Variants in ATN1 observed in about 807,000 individuals in gnomAD.
ATN1 encodes the protein atrophin-1.
ATN1 carries 19 observed loss-of-function variants against 85.8 expected under a neutral mutation model. The observed-to-expected ratio is 0.22, with a 90% CI of 0.15 to 0.32. The LOEUF is 0.32. Among genes scored for constraint, ATN1 ranks in the 10% least tolerant of loss-of-function variants. The probability of loss-of-function intolerance (pLI) is 1.00; values close to 1 mark genes in which losing one functional copy is unlikely to be tolerated. For synonymous variants in ATN1, 674 were observed against 657.0 expected, an observed-to-expected ratio of 1.03 and a Z score of -0.39; for missense variants, 1,453 against 1,564.5, an observed-to-expected ratio of 0.93 and a Z score of 1.20.
Position 6,933,827 on chromosome 12 carries a change from T to C in ATN1, c.-162-13T>C. On this transcript the variant is annotated splice_polypyrimidine_tract_variant and intron_variant, in intron 1 of 9. Transcript: ENST00000396684. ...TCTCCAAGTTGGAGACTCTGATGGT[T>C]TCCTTCTAACAGGTTTCATTGAAAA... The C allele has an allele frequency of 1.4e-6, 1 of 694,338 alleles. No homozygotes were observed. Among genetic ancestry groups the C allele is most frequent in the Non-Finnish European group, 2.5e-6 (1 of 404,508 alleles). 43.0% of individuals were successfully genotyped at this position (694,338 alleles called of 1,614,324 possible). A position where few individuals can be genotyped will look rare whatever the true frequency, so the allele number is the denominator to read the frequency against.
At chr12:6,926,374 C>A (rs1386913508), upstream of ATN1, among the ~76,000 whole-genome samples, 1 of 152,118 alleles carries the variant, frequency 6.6e-6, no homozygotes, top group Non-Finnish European at 1.5e-5. Context: ...TCTCACTCCT[C>A]CAAGCTGTAT....
In ATN1 at chr12:6,936,643, C is replaced by G. The variant is rs1453175292; in HGVS notation, c.1376C>G (p.Pro459Arg). 3.7e-6 allele frequency: 6 copies of G among 1,613,652 alleles called. No individual in the cohort carries two copies. Among genetic ancestry groups the G allele is most frequent in the Admixed American group, 1.7e-5 (1 of 59,972 alleles). The change falls in exon 5 of 10, where the codon CCA becomes CGA. Residue 459 changes from proline to arginine, a missense_variant. Physicochemically the swap from Pro to Arg is moderately radical, Grantham distance 103. Around this residue, in one of 6 missense-constraint regions of ATN1, gnomAD observed 990 missense variants for 914.8 expected, o/e 1.08. Transcript: ENST00000396684. ...CTCTTAGCCAACAGCAATGCCCATC[C>G]AGGCCCCTTCCCTCCCTCTACTGGG... Reference protein sequence around the residue: ...GRLLANSNAHPGPFPPSTGAQ... With the variant: ...GRLLANSNAHRGPFPPSTGAQ...
upstream of ATN1, among the ~76,000 whole-genome samples, chr12:6,926,365 C>T (rs1302770014): frequency 2.6e-5 from 4 of 152,104 alleles, no homozygotes; most frequent in African/African-American, 9.7e-5. Flanking sequence ...AGGATGGTGT[C>T]TCACTCCTCC....
chr12:6,941,488 A>C lies in ATN1; in HGVS notation c.3473A>C (p.Gln1158Pro). The C allele has an allele frequency of 6.2e-7, 1 of 1,612,836 alleles. No homozygotes were observed. The highest frequency in any genetic ancestry group is 1.1e-5 in the South Asian group (1 of 91,080). Reference protein sequence around the residue: ...AELQRLALEQQQWLHAHHPLH... With the variant: ...AELQRLALEQPQWLHAHHPLH... ...CTGCAGCGCTTGGCGCTGGAACAGC[A>C]GCAGTGGCTGCATGCCCATCACCCG... The change falls in exon 9 of 10, where the codon CAG becomes CCG. Residue 1158 changes from glutamine to proline, a missense_variant. By Grantham distance (76) the Gln-to-Pro change is moderately conservative (BLOSUM62 -1). This residue lies in a region of ATN1 where 118 missense variants were observed against 163.7 expected (regional missense o/e 0.72). Transcript: ENST00000396684. This position sits in a 1 kb window ranked among gnomAD's most constrained non-coding sequence, Gnocchi z 5.9.
rs1945597722 is a variant in ATN1, at chr12:6,938,998, G to A, written c.3035G>A (p.Arg1012Gln). 1.2e-6 allele frequency: 2 copies of A among 1,612,534 alleles called. No homozygotes were observed. Among genetic ancestry groups the A allele is most frequent in the East Asian group, 2.2e-5 (1 of 44,894 alleles). ...GCGCTGGCAGCTGGGCCAGCCCTGC[G>A]GCCTGACATGTCCTATGCTGAGCGG... ...RLALAAGPAL[R>Q]PDMSYAERLA... The change falls in exon 7 of 10, where the codon CGG (arginine) becomes CAG (glutamine). Residue 1012 changes from arginine to glutamine, a missense_variant. Physicochemically the swap from Arg to Gln is conservative, Grantham distance 43 (BLOSUM62 1). This residue lies in a region of ATN1 where 208 missense variants were observed against 263.4 expected (regional missense o/e 0.79). Transcript: ENST00000396684.
At position 6,934,203 on chromosome 12, in the gene ATN1, G is replaced by C. The variant is rs781907348; in HGVS notation, c.55G>C (p.Glu19Gln). The C allele has an allele frequency of 8.7e-6, 14 of 1,604,518 alleles. No homozygotes were observed. The highest frequency in any genetic ancestry group is 1.4e-5 in the African/African-American group (1 of 73,974). The change falls in exon 3 of 10, where the codon GAG (glutamate) becomes CAG (glutamine). Residue 19 changes from glutamate to glutamine, a missense_variant. Physicochemically the swap from Glu to Gln is conservative, Grantham distance 29 (BLOSUM62 2). Around this residue, in one of 6 missense-constraint regions of ATN1, gnomAD observed 130 missense variants for 158.2 expected, o/e 0.82. Transcript: ENST00000396684. This position sits in a 1 kb window ranked among gnomAD's most constrained non-coding sequence, Gnocchi z 4.5. Reference protein sequence around the residue: ...SMSMRSGRKKEAPGPREELRS... With the variant: ...SMSMRSGRKKQAPGPREELRS... ...GTCAATGAGGAGTGGACGGAAGAAAGAGGCCCCTGGGCCCCGGGAAGAACT... is the reference window on the plus strand; with the variant it reads ...GTCAATGAGGAGTGGACGGAAGAAACAGGCCCCTGGGCCCCGGGAAGAACT...
In ATN1 at chr12:6,937,984, C is replaced by T. The variant is rs782404678; in HGVS notation, c.2434C>T (p.Arg812Cys). ...GCGGCGCGAGGCCGAGCAGCGCGCG[C>T]GCGAAGAAAAGGAGCGCGAGCGCGA... The part of the protein sequence containing the change: ...KVRREAEQRA[R>C]EEKERERERE... Residue 812 changes from arginine (R) to cysteine (C), a missense_variant, in exon 6 of 10, where the codon CGC becomes TGC. Physicochemically the swap from Arg to Cys is radical, Grantham distance 180. Coordinates refer to ENST00000396684, the MANE Select transcript of ATN1 (RefSeq NM_001940.4). The surrounding 1 kb of genome is among the most constrained non-coding windows in gnomAD (Gnocchi z 6.0). 5 of 1,550,216 alleles carry T rather than the reference C, an allele frequency of 3.2e-6. No homozygotes were observed. In the South Asian group the frequency reaches 5.9e-5, roughly 18 times the overall value.
chr12:6,934,071 G>C lies in ATN1; in HGVS notation c.27+43G>C, dbSNP rs186164936. 3.7e-5 allele frequency: 60 copies of C among 1,610,888 alleles called. No individual in the cohort carries two copies. The highest frequency in any genetic ancestry group is 3.3e-4 in the Middle Eastern group (2 of 6,052). ...ACATGAAAGATGAGGGGCGGGGCAG[G>C]CAAGCTAGGAGGAAGGGTCTAGAGA... is the stretch of plus-strand genomic sequence containing the variant. On this transcript the variant is annotated intron_variant, in intron 2 of 9. Transcript: ENST00000396684. The surrounding 1 kb of genome is among the most constrained non-coding windows in gnomAD (Gnocchi z 4.5).
intron 7 of ATN1, among the ~76,000 whole-genome samples, chr12:6,939,974 C>A (rs1040605843): frequency 7.9e-5 from 12 of 152,396 alleles, no homozygotes; most frequent in Non-Finnish European, 1.6e-4. Context: ...GCTTTACTTA[C>A]TATCCTTTCA....
Position 6,941,699 on chromosome 12 carries a change from T to G in ATN1, c.3540-48T>G. 6.2e-7 allele frequency: 1 copy of G among 1,604,416 alleles called. No individual in the cohort carries two copies. The highest frequency in any genetic ancestry group is 8.5e-7 in the Non-Finnish European group (1 of 1,171,422). On this transcript the variant is annotated intron_variant, in intron 9 of 9. Transcript: ENST00000396684. This position sits in a 1 kb window ranked among gnomAD's most constrained non-coding sequence, Gnocchi z 5.9. ...TCGGTAAGAGGGGGCAAGGTCAGAG[T>G]TGGTCTCAAGTCTCTTACCTCTCTG...
In ATN1 at chr12:6,936,715, A is replaced by G. The variant is rs1591663560; in HGVS notation, c.1448A>G (p.His483Arg). The change falls in exon 5 of 10, where the codon CAC becomes CGC. Residue 483 changes from histidine (H) to arginine (R), a missense_variant. Around this residue, in one of 6 missense-constraint regions of ATN1, gnomAD observed 990 missense variants for 914.8 expected, o/e 1.08. Transcript: ENST00000396684. ...CCAGTCTCAACACATCACCATCACC[A>G]CCAGCAACAGCAACAGCAGCAGCAG... ...HPPVSTHHHH[H>R]QQQQQQQQQQ... 1 of 1,602,754 alleles carries G rather than the reference A, an allele frequency of 6.2e-7. No homozygotes were observed. Among genetic ancestry groups the G allele is most frequent in the Non-Finnish European group, 8.5e-7 (1 of 1,178,562 alleles).
intron 1 of ATN1, 79 bp from the exon 2 acceptor site, chr12:6,933,761 A>G: frequency 1.7e-6 from 1 of 596,594 alleles, no homozygotes; most frequent in South Asian, 2.0e-5. Context: ...CCGCTTGCTC[A>G]GTTCTCTGAC....
At chr12:6,933,415 C>A (rs782097365) in intron 1 of ATN1, among the ~76,000 whole-genome samples, 1 of 152,186 alleles carries the variant, frequency 6.6e-6, no homozygotes, top group Non-Finnish European at 1.5e-5. Context: ...TGGTCTTGAA[C>A]TCCTGACCTT....
chr12:6,937,558 C>T lies in ATN1; in HGVS notation c.2291C>T (p.Ala764Val). Residue 764 changes from alanine (A) to valine (V), a missense_variant, in exon 5 of 10, where the codon GCC becomes GTC. Transcript: ENST00000396684. The surrounding 1 kb of genome is among the most constrained non-coding windows in gnomAD (Gnocchi z 6.0). ...GTACCCAGCCATGCCAGTCAGTCTG[C>T]CAGGTGAGCGGCCAGGTGGGGCGGA... ...VDVPSHASQS[A>V]RFNKHLDRGF... The T allele has an allele frequency of 6.7e-7, 1 of 1,495,856 alleles. No homozygotes were observed. The highest frequency in any genetic ancestry group is 8.9e-7 in the Non-Finnish European group (1 of 1,123,128). The allele number at this position is 1,495,856 out of a possible 1,614,324, so 92.7% of individuals were successfully genotyped here.
intron 1 of ATN1, among the ~76,000 whole-genome samples, chr12:6,929,602 CTG>C (rs1945437330): frequency 6.6e-6 from 1 of 152,128 alleles, no homozygotes; most frequent in Non-Finnish European, 1.5e-5. Flanking sequence ...CCTTGGGACT[CTG>C]GGCTGGGTTT....
intron 1 of ATN1, among the ~76,000 whole-genome samples, chr12:6,928,607 C>T (rs1945426404): frequency 6.6e-6 from 1 of 152,102 alleles, no homozygotes; most frequent in Non-Finnish European, 1.5e-5. Flanking sequence ...GCCAGGGTTT[C>T]GGGAGGATCG....
At chr12:6,938,100 T>TTTCCCTCTTTCC in intron 6 of ATN1, 33 bp downstream of exon 6, 1 of 1,520,758 alleles carries the variant, frequency 6.6e-7, no homozygotes, top group Non-Finnish European at 8.8e-7. Context: ...CACCGCCTTC[T>TTTCCCTCTTTCC]TTCCCTCTTT....
chr12:6,933,178 G>C (rs1380445320), intron 1 of ATN1, among the ~76,000 whole-genome samples: 1 of 151,898 alleles, frequency 6.6e-6, no homozygotes, highest in Non-Finnish European at 1.5e-5. Flanking sequence ...TTGATATAAA[G>C]AAGGTATTCA....
chr12:6,941,631 C>T lies in ATN1; in HGVS notation c.3539+77C>T. Reference sequence around the variant, plus strand: ...GAGCTGTGGGCATGGTACGGCTGGGCACCGTGCTCCTGGGGGAGGGAACCC... The same window carrying T: ...GAGCTGTGGGCATGGTACGGCTGGGTACCGTGCTCCTGGGGGAGGGAACCC... On this transcript the variant is annotated intron_variant, in intron 9 of 9. Transcript: ENST00000396684. This position sits in a 1 kb window ranked among gnomAD's most constrained non-coding sequence, Gnocchi z 5.9. 1 of 1,593,534 alleles carries T rather than the reference C, an allele frequency of 6.3e-7. No individual in the cohort carries two copies. Among genetic ancestry groups the T allele is most frequent in the Non-Finnish European group, 8.6e-7 (1 of 1,162,366 alleles).
Sources: gnomAD v4.1 joint callset for allele counts (sites outside exome capture counted in the v4.1 genomes callset) on GRCh38, gnomAD v4.1.1 for gene constraint, gnomAD v4.1.1 regional missense constraint, Gnocchi (gnomAD v3.1) non-coding constraint, MANE v1.5 for transcripts, NCBI Gene and HGNC (gene_info 2026-07-23, HGNC 2026-07-21) for gene names.